Variants in TENT5B observed in about 807,000 individuals in gnomAD.
TENT5B encodes the protein family with sequence similarity 46 member B.
Under a neutral mutation model 21.7 loss-of-function variants are expected in TENT5B, and 12 were observed. That is an observed-to-expected ratio of 0.55 (90% CI 0.36 to 0.90). The LOEUF (loss-of-function observed/expected upper bound fraction) is 0.90. Ranked by LOEUF, TENT5B falls within the 40% of genes least tolerant of loss-of-function variation. The pLI, the probability that TENT5B is intolerant of heterozygous loss-of-function variation, is 0.01. For synonymous variants in TENT5B, 262 were observed against 266.6 expected, an observed-to-expected ratio of 0.98 and a Z score of 0.17; for missense variants, 540 against 601.5, an observed-to-expected ratio of 0.90 and a Z score of 1.07.
At position 27,006,818 on chromosome 1, in the gene TENT5B, C is replaced by T. The variant is rs142455633; in HGVS notation, c.404G>A (p.Arg135His). 97 of 1,614,006 alleles carry T rather than the reference C, an allele frequency of 6.0e-5. No individual in the cohort carries two copies. In the African/African-American group the frequency reaches 9.2e-4, roughly 15 times the overall value. ...DLDLVFRVDL[R>H]SEASFQLTKA... ...GGTCAGCTGGAAGGATGCCTCACTG[C>T]GCAGGTCCACCCGGAACACCAGGTC... Residue 135 changes from arginine (R) to histidine (H), a missense_variant, in exon 2 of 2, where the codon CGC (arginine) becomes CAC (histidine). Coordinates refer to ENST00000289166, the MANE Select transcript of TENT5B (RefSeq NM_052943.4). This position sits in a 1 kb window ranked among gnomAD's most constrained non-coding sequence, Gnocchi z 9.4.
At chr1:27,008,683 C>A (rs868555409) in intron 1 of TENT5B, among the ~76,000 whole-genome samples, 1 of 151,810 alleles carries the variant, frequency 6.6e-6, no homozygotes, top group Non-Finnish European at 1.5e-5. Context: ...CTCACTGCAA[C>A]CTCCGCCTCC....
intron 1 of TENT5B, among the ~76,000 whole-genome samples, chr1:27,008,502 A>G (rs2082610733): frequency 6.6e-6 from 1 of 152,194 alleles, no homozygotes; most frequent in Non-Finnish European, 1.5e-5. Context: ...AACACGGAGA[A>G]TGGGGCGTAA....
Position 27,012,451 on chromosome 1 carries a change from C to G in TENT5B, c.220G>C (p.Gly74Arg). 1 of 1,613,160 alleles carries G rather than the reference C, an allele frequency of 6.2e-7. No individual in the cohort carries two copies. Among genetic ancestry groups the G allele is most frequent in the Non-Finnish European group, 8.5e-7 (1 of 1,179,864 alleles). Residue 74 changes from glycine to arginine, a missense_variant, in exon 1 of 2, where the codon GGC (glycine) becomes CGC (arginine). Physicochemically the swap from Gly to Arg is moderately radical, Grantham distance 125 (BLOSUM62 -2). Transcript: ENST00000289166. The stretch of plus-strand genomic sequence containing the variant: ...TGCACGCTCAGCGTGGGGAAGTTGC[C>G]GCGCCCGTGAATGGGAATCGGCTCG... ...LSEPIPIHGR[G>R]NFPTLSVQPR...
chr1:27,005,882 C>T lies in TENT5B; in HGVS notation c.*62G>A. Reference sequence around the variant, plus strand: ...CGCCTCTGGTCATGTCCTCCACACACTCTTGGAGGCCCCACCCCACCCCGT... The same window carrying T: ...CGCCTCTGGTCATGTCCTCCACACATTCTTGGAGGCCCCACCCCACCCCGT... On this transcript the variant is annotated 3_prime_UTR_variant, in exon 2 of 2. Transcript: ENST00000289166. 1.3e-6 allele frequency: 2 copies of T among 1,510,178 alleles called. No homozygotes were observed. Among genetic ancestry groups the T allele is most frequent in the South Asian group, 1.3e-5 (1 of 74,898 alleles). 93.5% of individuals were successfully genotyped at this position (1,510,178 alleles called of 1,614,324 possible).
At position 27,012,519 on chromosome 1, in the gene TENT5B, C is replaced by T. The variant is rs2082629009; in HGVS notation, c.152G>A (p.Gly51Glu). 1 of 1,606,398 alleles carries T rather than the reference C, an allele frequency of 6.2e-7. No homozygotes were observed. The highest frequency in any genetic ancestry group is 1.3e-5 in the African/African-American group (1 of 74,862). Residue 51 changes from glycine to glutamate, a missense_variant, in exon 1 of 2, where the codon GGG becomes GAG. Transcript: ENST00000289166. Reference protein sequence around the residue: ...LSAFPGRHLSGLSWPQVKRLD... With the variant: ...LSAFPGRHLSELSWPQVKRLD... ...TCGCTTCACCTGTGGCCAGCTCAGC[C>T]CACTCAGGTGCCGTCCGGGGAAGGC...
In TENT5B at chr1:27,005,943, G is replaced by A. The variant is rs746258872; in HGVS notation, c.*1C>T. On this transcript the variant is annotated 3_prime_UTR_variant, in exon 2 of 2. Coordinates refer to ENST00000289166, the MANE Select transcript of TENT5B (RefSeq NM_052943.4). ...CCCTTCCCTTCTGGCCAGGGTCTGA[G>A]TCAGTTACAAGGCAGCCAGGTGGGA... 1 of 1,553,364 alleles carries A rather than the reference G, an allele frequency of 6.4e-7. No homozygotes were observed. Among genetic ancestry groups the A allele is most frequent in the East Asian group, 2.3e-5 (1 of 44,242 alleles).
chr1:27,010,068 C>T (rs1217139601), intron 1 of TENT5B, among the ~76,000 whole-genome samples: 2 of 152,232 alleles, frequency 1.3e-5, no homozygotes, highest in Admixed American at 6.5e-5. Context: ...CGTCAGCCAG[C>T]AGGCTTACAA....
At position 27,012,747 on chromosome 1, in the gene TENT5B, A is replaced by G. The variant is rs2082630895; in HGVS notation, c.-77T>C. 15 of 1,311,986 alleles carry G rather than the reference A, an allele frequency of 1.1e-5. No homozygotes were observed. Among genetic ancestry groups the G allele is most frequent in the Non-Finnish European group, 1.5e-5 (15 of 1,028,842 alleles). 81.3% of individuals were successfully genotyped at this position (1,311,986 alleles called of 1,614,324 possible). On this transcript the variant is annotated 5_prime_UTR_variant, in exon 1 of 2. Transcript: ENST00000289166. ...AGGAGGACAGGGAGAGCGGCTGGGC[A>G]GGGGCCAAGGCGGGGGGCACGAAGG...
Position 27,008,977 on chromosome 1 carries a change from C to CTTTTT in TENT5B, c.265-2025_265-2021dup, listed in dbSNP as rs58360969. 1.9e-3 allele frequency among the ~76,000 whole-genome samples: 58 copies of CTTTTT among 31,012 alleles called. 8 individuals carry two copies. Among genetic ancestry groups the CTTTTT allele is most frequent in the East Asian group, 4.5e-3 (3 of 662 alleles). 20.3% of individuals were successfully genotyped at this position (31,012 alleles called of 152,430 possible). On this transcript the variant is annotated intron_variant, in intron 1 of 1. Coordinates refer to ENST00000289166, the MANE Select transcript of TENT5B (RefSeq NM_052943.4). Reference sequence around the variant, plus strand: ...CTCTACCTTCCTTTCCTCCATCCTTCTTTTTTTTTTTTTTTTTTTTTTTTT... The same window carrying CTTTTT: ...CTCTACCTTCCTTTCCTCCATCCTTCTTTTTTTTTTTTTTTTTTTTTTTTTTTTTT...
intron 1 of TENT5B, among the ~76,000 whole-genome samples, chr1:27,011,158 T>A (rs1211590202): frequency 6.7e-6 from 1 of 148,604 alleles, no homozygotes; most frequent in Non-Finnish European, 1.5e-5. Context: ...GAGGAATGCC[T>A]CGGCGAACTC....
intron 1 of TENT5B, among the ~76,000 whole-genome samples, chr1:27,010,765 G>A (rs113644575): frequency 1.3e-5 from 2 of 152,210 alleles, no homozygotes; most frequent in South Asian, 2.1e-4. Context: ...CCCAGGTCTA[G>A]AAGGACATGG....
At chr1:27,007,961 C>T (rs2082608578) in intron 1 of TENT5B, among the ~76,000 whole-genome samples, 1 of 152,150 alleles carries the variant, frequency 6.6e-6, no homozygotes, top group African/African-American at 2.4e-5. Context: ...GTCCTTTTGA[C>T]TACAATGCAC....
chr1:27,008,020 C>CT (rs961889389), intron 1 of TENT5B, among the ~76,000 whole-genome samples: 2 of 152,096 alleles, frequency 1.3e-5, no homozygotes, highest in Non-Finnish European at 2.9e-5. Flanking sequence ...AAATTATATA[C>CT]TTTTTTTGCT....
At chr1:27,009,488 A>G (rs997055368) in intron 1 of TENT5B, among the ~76,000 whole-genome samples, 2 of 152,242 alleles carry the variant, frequency 1.3e-5, no homozygotes, top group Non-Finnish European at 2.9e-5. Context: ...TGAAGCCCAG[A>G]GCCAGAATAG....
chr1:27,012,207 G>A (rs2082627101), intron 1 of TENT5B, among the ~76,000 whole-genome samples, 200 bp downstream of exon 1: 1 of 152,146 alleles, frequency 6.6e-6, no homozygotes, highest in African/African-American at 2.4e-5. Context: ...GAGTCGAGAT[G>A]GAAAAGCCAG....
At position 27,006,291 on chromosome 1, in the gene TENT5B, TGAAGAAGC is replaced by T; in HGVS notation, c.923_930del (p.Arg308HisfsTer69). 6.2e-7 allele frequency: 1 copy of T among 1,612,076 alleles called. No homozygotes were observed. Among genetic ancestry groups the T allele is most frequent in the Non-Finnish European group, 8.5e-7 (1 of 1,179,294 alleles). ...TGCTCCACCAGGTCTGGAAAGTCGA[TGAAGAAGC>T]GGGAGCACATGTAGCGCTGCAGGGC... On this transcript the variant is annotated frameshift_variant, in exon 2 of 2. Coordinates refer to ENST00000289166, the MANE Select transcript of TENT5B (RefSeq NM_052943.4). LOFTEE classifies it high-confidence loss of function. This position sits in a 1 kb window ranked among gnomAD's most constrained non-coding sequence, Gnocchi z 9.4.
rs892098074 is a variant in TENT5B at position 27,012,824 on chromosome 1, G to A, written c.-154C>T. The A allele has an allele frequency of 9.5e-5, 98 of 1,028,360 alleles. No homozygotes were observed. The highest frequency in any genetic ancestry group is 3.2e-4 in the Admixed American group (8 of 24,828). The allele number at this position is 1,028,360 out of a possible 1,614,324, so 63.7% of individuals were successfully genotyped here. On this transcript the variant is annotated 5_prime_UTR_variant, in exon 1 of 2. Coordinates refer to ENST00000289166, the MANE Select transcript of TENT5B (RefSeq NM_052943.4). ...GACAAAGCCAGGGAACACCTCAGAC[G>A]GCGACGACTAACCGACCCTAGCGCC...
rs79944413 is a variant in TENT5B, at chr1:27,008,603, G to C, written c.265-1646C>G. ...CTGGACCTTGTTGCCAGAATCTATG[G>C]GGACAGGTGTCTTTTTTTTTTTGAG... On this transcript the variant is annotated intron_variant, in intron 1 of 1. Coordinates refer to ENST00000289166, the MANE Select transcript of TENT5B (RefSeq NM_052943.4). Among the ~76,000 whole-genome samples the C allele has an allele frequency of 4.3e-3, 647 of 152,166 alleles. 4 individuals are homozygous for C. Among genetic ancestry groups the C allele is most frequent in the Non-Finnish European group, 7.5e-3 (513 of 67,988 alleles).
intron 1 of TENT5B, among the ~76,000 whole-genome samples, chr1:27,011,289 C>T (rs1240208532): frequency 6.6e-6 from 1 of 152,118 alleles, no homozygotes; most frequent in Non-Finnish European, 1.5e-5. Context: ...TGTGGGAAGC[C>T]AAGGTAGTAG....
Sources: allele counts gnomAD v4.1 joint callset (sites outside exome capture counted in the v4.1 genomes callset), GRCh38; gene constraint gnomAD v4.1.1; non-coding constraint Gnocchi (gnomAD v3.1); transcripts MANE v1.5; gene names NCBI Gene and HGNC (gene_info 2026-07-23, HGNC 2026-07-21).